Variants in KLF8 observed in about 807,000 individuals in gnomAD.
The protein encoded by KLF8 is Krueppel-like factor 8.
KLF8 carries 10 observed loss-of-function variants against 18.2 expected under a neutral mutation model. That is an observed-to-expected ratio of 0.55 (90% CI 0.34 to 0.93). The LOEUF (loss-of-function observed/expected upper bound fraction) is 0.93, where lower values mean the gene tolerates loss of function less well. Ranked by LOEUF, KLF8 falls within the 40% of genes least tolerant of loss-of-function variation. KLF8 has a pLI of 0.02. For missense variants in KLF8, 264 were observed against 277.9 expected, an observed-to-expected ratio of 0.95 and a Z score of 0.36; for synonymous variants, 109 against 97.3, an observed-to-expected ratio of 1.12 and a Z score of -0.71.
chrX:56,159,422 C>T, the KLF8 span, among the ~76,000 whole-genome samples: 4 of 112,510 alleles, frequency 3.6e-5, no homozygotes, highest in Non-Finnish European at 7.5e-5. Flanking sequence ...AGGGAGGATT[C>T]CCTCTTTTTC....
the KLF8 span, among the ~76,000 whole-genome samples, chrX:55,928,600 G>T: frequency 9.0e-6 from 1 of 111,249 alleles, no homozygotes; most frequent in African/African-American, 3.3e-5. Context: ...ACTTATGAGT[G>T]AGAACATGTA....
the KLF8 span, among the ~76,000 whole-genome samples, chrX:55,939,692 A>C: frequency 9.0e-6 from 1 of 111,706 alleles, no homozygotes; most frequent in African/African-American, 3.3e-5. Flanking sequence ...GATAAAGGGG[A>C]TATCACCACT....
chrX:56,013,332 C>A, the KLF8 span, among the ~76,000 whole-genome samples: 1 of 112,360 alleles, frequency 8.9e-6, no homozygotes, highest in Non-Finnish European at 1.9e-5. Flanking sequence ...TAGAAAGTAA[C>A]TAACTTGCTT....
the KLF8 span, among the ~76,000 whole-genome samples, chrX:56,075,200 C>T: frequency 1.8e-5 from 2 of 109,965 alleles, no homozygotes; most frequent in African/African-American, 6.6e-5. Context: ...CTTTTTGATG[C>T]TATTGTAAAA....
the KLF8 span, among the ~76,000 whole-genome samples, chrX:56,187,292 C>T: frequency 9.0e-6 from 1 of 111,417 alleles, no homozygotes; most frequent in Non-Finnish European, 1.9e-5. Context: ...ATAAATTCCT[C>T]AACACATACA....
the KLF8 span, among the ~76,000 whole-genome samples, chrX:56,216,419 A>G: frequency 9.0e-6 from 1 of 111,164 alleles, no homozygotes; most frequent in Non-Finnish European, 1.9e-5. Context: ...GGAGTGCTGC[A>G]TGATCATAGC....
chrX:55,915,026 G>A, the KLF8 span, among the ~76,000 whole-genome samples: 1 of 110,999 alleles, frequency 9.0e-6, no homozygotes, highest in Non-Finnish European at 1.9e-5. Context: ...GGGACCAGAA[G>A]GTAGACAGAA....
the KLF8 span, among the ~76,000 whole-genome samples, chrX:56,163,271 T>C: frequency 4.5e-5 from 5 of 112,117 alleles, no homozygotes; most frequent in African/African-American, 1.6e-4. Context: ...TTTTTGACTT[T>C]TTAATGATAG....
the KLF8 span, among the ~76,000 whole-genome samples, chrX:56,063,938 A>G: frequency 9.1e-6 from 1 of 109,735 alleles, no homozygotes; most frequent in African/African-American, 3.3e-5. Context: ...AATGGTGGAT[A>G]CTATCCTTTC....
the KLF8 span, among the ~76,000 whole-genome samples, chrX:55,954,144 A>G: frequency 9.0e-6 from 1 of 110,764 alleles, no homozygotes; most frequent in Non-Finnish European, 1.9e-5. Flanking sequence ...TATCCAGTCT[A>G]TCATTGATGG....
At chrX:56,017,446 C>T in the KLF8 span, among the ~76,000 whole-genome samples, 3 of 112,330 alleles carry the variant, frequency 2.7e-5, no homozygotes, top group African/African-American at 6.5e-5. Context: ...AAACCAGAAG[C>T]AGTTTGTAGG....
the KLF8 span, among the ~76,000 whole-genome samples, chrX:56,188,274 C>G: frequency 9.0e-6 from 1 of 111,220 alleles, no homozygotes; most frequent in Non-Finnish European, 1.9e-5. Flanking sequence ...TTCACAATTG[C>G]TTCAAAGAGA....
chrX:56,109,472 G>A, the KLF8 span, among the ~76,000 whole-genome samples: 2 of 109,275 alleles, frequency 1.8e-5, no homozygotes, highest in Non-Finnish European at 3.8e-5. Flanking sequence ...TTCTAATGTT[G>A]TTAGGTGGAG....
the KLF8 span, among the ~76,000 whole-genome samples, chrX:55,948,088 A>T: frequency 2.7e-5 from 3 of 112,213 alleles, no homozygotes; most frequent in Non-Finnish European, 5.6e-5. Flanking sequence ...AGCAAATAAG[A>T]TAGTGTGCTT....
At chrX:55,977,532 A>G in the KLF8 span, among the ~76,000 whole-genome samples, 7 of 109,691 alleles carry the variant, frequency 6.4e-5, no homozygotes, top group Admixed American at 2.0e-4. Context: ...AAGTGCTATA[A>G]TCTCTCAGTG....
At chrX:55,999,285 A>ATTTTTTTTTTTTTTTTTTTTTT in the KLF8 span, among the ~76,000 whole-genome samples, 50 of 33,501 alleles carry the variant, frequency 1.5e-3, 9 homozygotes, top group Non-Finnish European at 2.0e-3. Flanking sequence ...ATGCCTCCAG[A>ATTTTTTTTTTTTTTTTTTTTTT]TTTTTTTTTT....
the KLF8 span, among the ~76,000 whole-genome samples, chrX:56,102,976 G>A: frequency 7.1e-5 from 7 of 98,976 alleles, no homozygotes; most frequent in Admixed American, 1.2e-4. Flanking sequence ...TGATTAAACC[G>A]TTGACCATTG....
chrX:56,077,139 A>G, the KLF8 span, among the ~76,000 whole-genome samples: 1 of 111,854 alleles, frequency 8.9e-6, no homozygotes, highest in African/African-American at 3.3e-5. Flanking sequence ...GAAGCTATTT[A>G]ATTTAATTAG....
At chrX:56,092,712 G>A in the KLF8 span, among the ~76,000 whole-genome samples, 69 of 109,959 alleles carry the variant, frequency 6.3e-4, no homozygotes, top group South Asian at 0.025. Context: ...ACAATGTGAT[G>A]CCTCCAGCTT....
Sources: allele counts gnomAD v4.1 joint callset (sites outside exome capture counted in the v4.1 genomes callset), GRCh38; gene constraint gnomAD v4.1.1; transcripts MANE v1.5; gene names NCBI Gene and HGNC (gene_info 2026-07-23, HGNC 2026-07-21).